ARHGAP26: variants seen among roughly 807,000 people sequenced by gnomAD.
The protein encoded by ARHGAP26 is Rho GTPase activating protein 26.
ARHGAP26 carries 38 observed loss-of-function variants against 104.8 expected under a neutral mutation model. The ratio of observed to expected loss-of-function variants is 0.36; its 90% confidence interval spans 0.28 to 0.48. The LOEUF is 0.48. Ranked by LOEUF, ARHGAP26 falls within the 20% of genes least tolerant of loss-of-function variation. ARHGAP26 has a pLI of 0.99. For missense variants in ARHGAP26, 704 were observed against 947.9 expected (o/e 0.74, Z 3.38); for synonymous variants, 341 against 340.0 (o/e 1.00, Z -0.03).
At chr5:143,001,110 G>A (rs780643325) in intron 11 of ARHGAP26, among the ~76,000 whole-genome samples, 1 of 152,120 alleles carries the variant, frequency 6.6e-6, no homozygotes, top group Non-Finnish European at 1.5e-5. Context: ...TTTGTATAGT[G>A]ATCTAGAATA....
chr5:142,976,131 G>T (rs1773052406), intron 11 of ARHGAP26, among the ~76,000 whole-genome samples: 2 of 152,284 alleles, frequency 1.3e-5, no homozygotes, highest in Admixed American at 1.3e-4. Flanking sequence ...CCCAAGTAAA[G>T]ATATGGTATC....
chr5:143,167,518 A>AAAAAAG (rs1802165034), intron 20 of ARHGAP26, among the ~76,000 whole-genome samples: 1 of 123,676 alleles, frequency 8.1e-6, no homozygotes, highest in African/African-American at 3.3e-5. Flanking sequence ...AAAAAAAAAA[A>AAAAAAG]GAAATCCATT....
rs114454031 is a variant in ARHGAP26 at position 142,956,968 on chromosome 5, C to T, written c.1107+24843C>T. Among the ~76,000 whole-genome samples the T allele has an allele frequency of 1.8e-3, 272 of 152,232 alleles. 2 individuals carry two copies. Among genetic ancestry groups the T allele is most frequent in the African/African-American group, 6.1e-3 (253 of 41,520 alleles). On this transcript the variant is annotated intron_variant, in intron 11 of 22. Transcript: ENST00000645722. ...CTCCCCCTGGGTCCCTCCCACAACA[C>T]GTGAGAATTTTGGGACATACAATTC...
At chr5:143,217,026 T>C (rs1284059011) in intron 22 of ARHGAP26, among the ~76,000 whole-genome samples, 2 of 152,164 alleles carry the variant, frequency 1.3e-5, no homozygotes, top group African/African-American at 4.8e-5. Context: ...CCATTTCTTG[T>C]TAGTTTACTG....
At chr5:143,067,657 G>A (rs879722982) in intron 17 of ARHGAP26, among the ~76,000 whole-genome samples, 9 of 152,120 alleles carry the variant, frequency 5.9e-5, no homozygotes, top group African/African-American at 1.7e-4. Flanking sequence ...TTCAGTAGGC[G>A]GTAAAGGAAC....
chr5:142,801,551 C>T (rs1762072923), intron 1 of ARHGAP26, among the ~76,000 whole-genome samples: 2 of 151,646 alleles, frequency 1.3e-5, no homozygotes, highest in Middle Eastern at 6.8e-3. Flanking sequence ...GAGTGGGTAC[C>T]TTGTCTGAAT....
chr5:143,034,036 C>G (rs1782266045), intron 12 of ARHGAP26, among the ~76,000 whole-genome samples: 1 of 152,164 alleles, frequency 6.6e-6, no homozygotes, highest in South Asian at 2.1e-4. Flanking sequence ...AAATACAAGT[C>G]AAAACCACAA....
Position 142,993,158 on chromosome 5 carries a change from GTTT to G in ARHGAP26, c.1108-20902_1108-20900del, listed in dbSNP as rs746933068. 6.3e-3 allele frequency among the ~76,000 whole-genome samples: 644 copies of G among 102,618 alleles called. 4 individuals carry two copies. Among genetic ancestry groups the G allele is most frequent in the African/African-American group, 0.023 (584 of 25,314 alleles). 67.3% of individuals were successfully genotyped at this position (102,618 alleles called of 152,430 possible). ...ACCATGCCCGGGTAATTTTTGTGTGGTTTTTTTTTTTTTTTTTTTTTTGAGACG... is the reference window on the plus strand; with the variant it reads ...ACCATGCCCGGGTAATTTTTGTGTGGTTTTTTTTTTTTTTTTTTTGAGACG... On this transcript the variant is annotated intron_variant, in intron 11 of 22. Coordinates refer to ENST00000645722, the MANE Select transcript of ARHGAP26 (RefSeq NM_001135608.3).
intron 11 of ARHGAP26, among the ~76,000 whole-genome samples, chr5:143,010,252 A>G (rs1778553585): frequency 6.6e-6 from 1 of 152,210 alleles, no homozygotes; most frequent in Non-Finnish European, 1.5e-5. Context: ...CTAGAAAGGT[A>G]AAAGGGTATT....
At chr5:142,855,286 A>G (rs1471821600) in intron 1 of ARHGAP26, among the ~76,000 whole-genome samples, 3 of 152,172 alleles carry the variant, frequency 2.0e-5, no homozygotes, top group Non-Finnish European at 4.4e-5. Context: ...TTTCTACTAA[A>G]TGTTTACAGA....
chr5:142,961,790 T>C lies in ARHGAP26; in HGVS notation c.1107+29665T>C, dbSNP rs556804103. Among the ~76,000 whole-genome samples, 14 of 152,358 alleles carry C rather than the reference T, an allele frequency of 9.2e-5. No homozygotes were observed. The East Asian group carries it at 2.7e-3, about 29-fold the overall frequency. ...TTTTAGAATTCTTGTCTTTGTTAAA[T>C]AAAATTAAATAAATGATCATCTTTT... On this transcript the variant is annotated intron_variant, in intron 11 of 22. Coordinates refer to ENST00000645722, the MANE Select transcript of ARHGAP26 (RefSeq NM_001135608.3).
In ARHGAP26 at chr5:143,223,869, C is replaced by T. The variant is rs1811451792; in HGVS notation, c.*1423C>T. 4.3e-6 allele frequency: 1 copy of T among 231,530 alleles called. No homozygotes were observed. The highest frequency in any genetic ancestry group is 8.6e-6 in the Non-Finnish European group (1 of 116,866). 14.3% of individuals were successfully genotyped at this position (231,530 alleles called of 1,614,324 possible). On this transcript the variant is annotated 3_prime_UTR_variant, in exon 23 of 23. Transcript: ENST00000645722. ...ACTGTCTTGGATGGGGAAGTACTAC[C>T]TGGAGATTTCAAATTCACTTGGCCT...
chr5:143,219,301 T>C (rs1408563277), intron 22 of ARHGAP26, among the ~76,000 whole-genome samples: 2 of 152,220 alleles, frequency 1.3e-5, no homozygotes, highest in Admixed American at 6.5e-5. Context: ...TGAATCAACA[T>C]GTCTAAAACT....
chr5:143,212,040 T>G (rs962349856), intron 21 of ARHGAP26, among the ~76,000 whole-genome samples: 2 of 152,194 alleles, frequency 1.3e-5, no homozygotes, highest in Non-Finnish European at 2.9e-5. Flanking sequence ...TATCCTTGTT[T>G]AGTGAGGTTA....
chr5:142,798,595 C>G (rs1761446753), intron 1 of ARHGAP26, among the ~76,000 whole-genome samples: 1 of 152,186 alleles, frequency 6.6e-6, no homozygotes. Flanking sequence ...AGCTGTCTTT[C>G]AAAAGCCACT....
At chr5:142,880,239 G>T (rs1396436288) in intron 4 of ARHGAP26, among the ~76,000 whole-genome samples, 6 of 152,210 alleles carry the variant, frequency 3.9e-5, no homozygotes, top group Admixed American at 3.9e-4. Context: ...CACTAGGAGG[G>T]CTGGGCGCAG....
At chr5:143,163,820 C>A (rs1801577375) in intron 20 of ARHGAP26, among the ~76,000 whole-genome samples, 1 of 152,086 alleles carries the variant, frequency 6.6e-6, no homozygotes, top group African/African-American at 2.4e-5. Context: ...TCAGACCCTA[C>A]CAAGCTATGT....
At position 143,167,482 on chromosome 5, in the gene ARHGAP26, C is replaced by CAAAAAAAAAAA. The variant is rs6149274; in HGVS notation, c.1988+20127_1988+20137dup. Among the ~76,000 whole-genome samples the CAAAAAAAAAAA allele has an allele frequency of 3.0e-4, 18 of 60,084 alleles. 1 individual carries two copies. Among genetic ancestry groups the CAAAAAAAAAAA allele is most frequent in the African/African-American group, 1.1e-3 (13 of 11,954 alleles). The allele number at this position is 60,084 out of a possible 152,430, so 39.4% of individuals were successfully genotyped here. Reference sequence around the variant, plus strand: ...TGCATGACAGAGCAAGACTCCATCTCAAAAAAAAAAAAAAAAAAAAAAAAA... The same window carrying CAAAAAAAAAAA: ...TGCATGACAGAGCAAGACTCCATCTCAAAAAAAAAAAAAAAAAAAAAAAAAAAAAAAAAAAA... On this transcript the variant is annotated intron_variant, in intron 20 of 22. Coordinates refer to ENST00000645722, the MANE Select transcript of ARHGAP26 (RefSeq NM_001135608.3).
At chr5:142,817,491 A>G (rs1765363743) in intron 1 of ARHGAP26, among the ~76,000 whole-genome samples, 1 of 152,182 alleles carries the variant, frequency 6.6e-6, no homozygotes, top group Non-Finnish European at 1.5e-5. Flanking sequence ...CCGGGTTCAT[A>G]AGACAGGTCT....
Sources: allele counts gnomAD v4.1 joint callset (sites outside exome capture counted in the v4.1 genomes callset), GRCh38; gene constraint gnomAD v4.1.1; transcripts MANE v1.5; gene names NCBI Gene and HGNC (gene_info 2026-07-23, HGNC 2026-07-21).